Variants in UGGT2 observed in about 807,000 individuals in gnomAD.
UGGT2 encodes UDP-glucose:glycoprotein glucosyltransferase 2.
In UGGT2, 180 loss-of-function variants were observed where a neutral mutation model predicts 192.1. That is an observed-to-expected ratio of 0.94 (90% CI 0.83 to 1.06). The LOEUF is 1.06. UGGT2 is among the 50% of genes least tolerant of loss of function. UGGT2 has a pLI of 0.00. For synonymous variants in UGGT2, 580 were observed against 591.0 expected, an observed-to-expected ratio of 0.98 and a Z score of 0.27; for missense variants, 1,849 against 1,795.7, an observed-to-expected ratio of 1.03 and a Z score of -0.54.
intron 10 of UGGT2, among the ~76,000 whole-genome samples, chr13:95,973,550 T>C (rs2050842733): frequency 6.6e-6 from 1 of 152,238 alleles, no homozygotes. Context: ...ATTAAAGCTA[T>C]ATTTGATTTT....
chr13:95,805,291 A>G (rs1393497614), intron 38 of UGGT2, among the ~76,000 whole-genome samples: 3 of 151,984 alleles, frequency 2.0e-5, no homozygotes, highest in Admixed American at 6.6e-5. Flanking sequence ...AACCCAGAAA[A>G]TAAGAAGTGT....
intron 38 of UGGT2, among the ~76,000 whole-genome samples, chr13:95,823,120 T>C (rs1885669213): frequency 6.6e-6 from 1 of 152,130 alleles, no homozygotes; most frequent in African/African-American, 2.4e-5. Flanking sequence ...GGGAGCTGAT[T>C]TCTAATTTTA....
chr13:95,964,671 G>A (rs972662566), intron 12 of UGGT2, among the ~76,000 whole-genome samples: 3 of 152,034 alleles, frequency 2.0e-5, no homozygotes, highest in Non-Finnish European at 2.9e-5. Context: ...AACCATTCAG[G>A]ACATAGGCAT....
chr13:96,020,991 C>A (rs1216358348), intron 4 of UGGT2, among the ~76,000 whole-genome samples: 5 of 152,202 alleles, frequency 3.3e-5, no homozygotes, highest in Admixed American at 3.3e-4. Context: ...CAAAGTCCCA[C>A]AGGGGGTGAC....
At position 95,837,216 on chromosome 13, in the gene UGGT2, T is replaced by TGATTTAATC. The variant is rs1887387805; in HGVS notation, c.4285-23_4285-15dup. ...ATTGGGGAGATCCTACAGAAAATTG[T>TGATTTAATC]GATTTAATCATAGACGTATGAAATT... On this transcript the variant is annotated splice_polypyrimidine_tract_variant and intron_variant, in intron 36 of 38. Transcript: ENST00000376747. 1 of 1,572,730 alleles carries TGATTTAATC rather than the reference T, an allele frequency of 6.4e-7. No homozygotes were observed. The highest frequency in any genetic ancestry group is 1.1e-5 in the South Asian group (1 of 90,242).
At chr13:95,847,755 G>A (rs1888620541) in intron 36 of UGGT2, among the ~76,000 whole-genome samples, 2 of 152,288 alleles carry the variant, frequency 1.3e-5, no homozygotes, top group South Asian at 2.1e-4. Context: ...AAATAAAGGT[G>A]TTATAAATAT....
At chr13:95,864,567 G>A (rs1400587957) in intron 30 of UGGT2, among the ~76,000 whole-genome samples, 1 of 152,138 alleles carries the variant, frequency 6.6e-6, no homozygotes, top group Non-Finnish European at 1.5e-5. Context: ...CATTCCACCA[G>A]CAGAGAACTA....
At chr13:95,993,243 G>A (rs903239327) in intron 7 of UGGT2, among the ~76,000 whole-genome samples, 21 of 152,168 alleles carry the variant, frequency 1.4e-4, no homozygotes, top group Non-Finnish European at 2.9e-4. Context: ...GGGTCTATTA[G>A]AGTGGGAAGA....
chr13:96,018,949 G>A (rs893832557), intron 4 of UGGT2, among the ~76,000 whole-genome samples: 2 of 149,222 alleles, frequency 1.3e-5, no homozygotes, highest in East Asian at 4.0e-4. Flanking sequence ...CTACAGAGAG[G>A]AAAAAATTAA....
At chr13:95,877,514 A>T (rs1437311371) in intron 28 of UGGT2, 150 bp from the exon 29 acceptor site, 1 of 971,858 alleles carries the variant, frequency 1.0e-6, no homozygotes, top group African/African-American at 1.7e-5. Context: ...ATTTTACAAT[A>T]ACCTGTCAAA....
chr13:95,875,990 G>A (rs907869168), intron 29 of UGGT2, among the ~76,000 whole-genome samples: 1 of 152,196 alleles, frequency 6.6e-6, no homozygotes, highest in African/African-American at 2.4e-5. Context: ...ACTATGGCCA[G>A]TAAACCAAAT....
At chr13:95,866,819 G>A (rs891171125) in intron 30 of UGGT2, among the ~76,000 whole-genome samples, 5 of 152,038 alleles carry the variant, frequency 3.3e-5, no homozygotes, top group South Asian at 4.2e-4. Context: ...CACTAGGCTC[G>A]CATTTTCCCT....
At chr13:96,015,035 T>C (rs2052284491) in intron 4 of UGGT2, among the ~76,000 whole-genome samples, 2 of 151,838 alleles carry the variant, frequency 1.3e-5, no homozygotes, top group Non-Finnish European at 2.9e-5. Flanking sequence ...TCCCAGCACT[T>C]TGGGAGGCCG....
intron 4 of UGGT2, among the ~76,000 whole-genome samples, chr13:96,020,846 A>G (rs751923556): frequency 5.9e-5 from 9 of 152,218 alleles, no homozygotes; most frequent in South Asian, 4.1e-4. Context: ...TACCTGACTT[A>G]CAAACTAATA....
chr13:96,037,593 T>G (rs916736681), intron 1 of UGGT2, among the ~76,000 whole-genome samples: 1 of 152,228 alleles, frequency 6.6e-6, no homozygotes, highest in Non-Finnish European at 1.5e-5. Context: ...TGCACTCAAA[T>G]TTCCAGGATG....
intron 2 of UGGT2, among the ~76,000 whole-genome samples, chr13:96,024,802 T>G (rs1165923404): frequency 6.6e-6 from 1 of 152,198 alleles, no homozygotes; most frequent in Non-Finnish European, 1.5e-5. Flanking sequence ...ACAAGAAGAA[T>G]GTGGTTACAC....
intron 20 of UGGT2, among the ~76,000 whole-genome samples, chr13:95,907,261 C>T (rs986295954): frequency 2.6e-5 from 4 of 152,156 alleles, no homozygotes; most frequent in African/African-American, 9.7e-5. Flanking sequence ...CTGGGAAGCT[C>T]GAACTAGGGG....
chr13:95,842,712 G>T (rs1887995772), intron 36 of UGGT2, among the ~76,000 whole-genome samples: 1 of 152,130 alleles, frequency 6.6e-6, no homozygotes, highest in South Asian at 2.1e-4. Flanking sequence ...TCTCATGTTT[G>T]CCCTTATGGA....
intron 37 of UGGT2, among the ~76,000 whole-genome samples, chr13:95,836,684 A>G (rs1377622104): frequency 1.3e-5 from 2 of 152,094 alleles, no homozygotes; most frequent in Non-Finnish European, 2.9e-5. Flanking sequence ...AATACTTCAC[A>G]CTGGTTGTGG....
Sources: gnomAD v4.1 joint callset for allele counts (sites outside exome capture counted in the v4.1 genomes callset) on GRCh38, gnomAD v4.1.1 for gene constraint, MANE v1.5 for transcripts, NCBI Gene and HGNC (gene_info 2026-07-23, HGNC 2026-07-21) for gene names.